The following TEP1 variants were observed in gnomAD, a reference collection of about 807,000 sequenced individuals.
TEP1 encodes telomerase protein component 1.
In TEP1, 241 loss-of-function variants were observed where a neutral mutation model predicts 306.3. The observed-to-expected ratio is 0.79, with a 90% CI of 0.71 to 0.88. TEP1 has a LOEUF of 0.88. Ranked by LOEUF, TEP1 falls within the 40% of genes least tolerant of loss-of-function variation. The pLI, the probability that TEP1 is intolerant of heterozygous loss-of-function variation, is 0.00. For synonymous variants in TEP1, 1,289 were observed against 1,305.5 expected (o/e 0.99, Z 0.27); for missense variants, 3,051 against 3,276.1 (o/e 0.93, Z 1.68).
intron 43 of TEP1, 35 bp downstream of exon 43, chr14:20,375,720 G>T: frequency 6.8e-7 from 1 of 1,478,656 alleles, no homozygotes; most frequent in Non-Finnish European, 9.4e-7. Flanking sequence ...CAGGAACCCA[G>T]CTGGGCTCTG....
chr14:20,410,203 C>G (rs1364263310), intron 1 of TEP1, among the ~76,000 whole-genome samples: 3 of 152,034 alleles, frequency 2.0e-5, no homozygotes, highest in Admixed American at 2.0e-4. Flanking sequence ...TGATTCTACT[C>G]CCTCAGTGTC....
chr14:20,402,916 T>C (rs1341993068), intron 7 of TEP1, among the ~76,000 whole-genome samples: 3 of 152,068 alleles, frequency 2.0e-5, no homozygotes, highest in African/African-American at 7.2e-5. Context: ...TCCAGCACTT[T>C]GGGAGGTCAA....
At chr14:20,410,750 T>C (rs1001193823) in intron 1 of TEP1, among the ~76,000 whole-genome samples, 1 of 151,016 alleles carries the variant, frequency 6.6e-6, no homozygotes, top group Admixed American at 6.6e-5. Context: ...GACTCCTTTT[T>C]TTTTAAGCAT....
chr14:20,377,116 G>A (rs567057228), intron 41 of TEP1, among the ~76,000 whole-genome samples, 164 bp downstream of exon 41: 14 of 152,170 alleles, frequency 9.2e-5, no homozygotes, highest in African/African-American at 2.4e-4. Flanking sequence ...TCGGGAGGCC[G>A]AGACAGGAGA....
chr14:20,410,734 C>T (rs1414154144), intron 1 of TEP1, among the ~76,000 whole-genome samples: 1 of 150,636 alleles, frequency 6.6e-6, no homozygotes, highest in Non-Finnish European at 1.5e-5. Flanking sequence ...GCCACTGTGC[C>T]TGGCGGACTC....
intron 1 of TEP1, among the ~76,000 whole-genome samples, chr14:20,410,768 TA>T (rs1287097636): frequency 2.7e-5 from 4 of 149,728 alleles, no homozygotes; most frequent in African/African-American, 7.4e-5. Context: ...CATGTTTGCT[TA>T]TTAGCCCACT....
Position 20,375,780 on chromosome 14 carries a change from C to T in TEP1, c.6338G>A (p.Cys2113Tyr), listed in dbSNP as rs1328806802. ...PACHRDWVTG[C>Y]AWTKDNLLIS... ...CAGTAGGTTATCTTTGGTCCAGGCA[C>T]AGCCAGTGACCCAGTCACGGTGACA... The change falls in exon 43 of 55, where the codon TGT becomes TAT. Residue 2113 changes from cysteine to tyrosine, a missense_variant. Around this residue, in one of 3 missense-constraint regions of TEP1, gnomAD observed 1,540 missense variants for 1,705.9 expected, o/e 0.90. Transcript: ENST00000262715. 1.2e-6 allele frequency: 2 copies of T among 1,613,526 alleles called. No individual in the cohort carries two copies. Among genetic ancestry groups the T allele is most frequent in the South Asian group, 1.1e-5 (1 of 91,054 alleles).
intron 9 of TEP1, among the ~76,000 whole-genome samples, chr14:20,399,632 T>TAATA (rs1555326923): frequency 3.8e-5 from 3 of 78,600 alleles, no homozygotes; most frequent in African/African-American, 5.9e-5. Context: ...CCCTGTTTCT[T>TAATA]AAAAAAAAAA....
intron 9 of TEP1, chr14:20,400,653 T>C: frequency 4.3e-6 from 1 of 235,114 alleles, no homozygotes; most frequent in Non-Finnish European, 8.5e-6. Flanking sequence ...CAGATTCCAA[T>C]ATGCCATGTG....
intron 51 of TEP1, among the ~76,000 whole-genome samples, chr14:20,370,765 T>C (rs538276959): frequency 3.6e-4 from 55 of 152,304 alleles, no homozygotes; most frequent in Non-Finnish European, 7.5e-4. Context: ...CAGGTCAGGA[T>C]TTAATAACCT....
At chr14:20,396,152 C>A (rs1164115339) in intron 10 of TEP1, among the ~76,000 whole-genome samples, 2 of 152,150 alleles carry the variant, frequency 1.3e-5, no homozygotes, top group African/African-American at 4.8e-5. Flanking sequence ...GAGAAAGTAA[C>A]AGAAGGAGCC....
chr14:20,392,291 T>C (rs1487955282), intron 12 of TEP1, among the ~76,000 whole-genome samples: 2 of 152,188 alleles, frequency 1.3e-5, no homozygotes, highest in East Asian at 1.9e-4. Context: ...AATGAAACAA[T>C]TGGTTCACGC....
intron 41 of TEP1, 91 bp downstream of exon 41, chr14:20,377,189 T>C: frequency 1.8e-6 from 2 of 1,112,808 alleles, no homozygotes; most frequent in East Asian, 2.6e-5. Context: ...CACTCTAGCC[T>C]GGGCAACAAG....
intron 12 of TEP1, 42 bp downstream of exon 12, chr14:20,395,408 C>T (rs781734235): frequency 6.6e-7 from 1 of 1,521,772 alleles, no homozygotes; most frequent in East Asian, 2.3e-5. Context: ...GCCAGGGTAG[C>T]CCCGATTGCC....
Position 20,378,066 on chromosome 14 carries a change from C to G in TEP1, c.5679G>C (p.Leu1893=). 1 of 1,613,806 alleles carries G rather than the reference C, an allele frequency of 6.2e-7. No homozygotes were observed. The highest frequency in any genetic ancestry group is 1.3e-5 in the African/African-American group (1 of 75,000). The stretch of plus-strand genomic sequence containing the variant: ...CCGTCAGTAACTGGCAACCCGCATG[C>G]AGGAAAAGCGCAGCAGCAACAAAGC... The part of the protein sequence containing the change: ...HHGFVAAALF[L]HAGCQLLTAG... Residue 1893 remains leucine, a synonymous_variant, in exon 39 of 55, where the codon CTG becomes CTC. Transcript: ENST00000262715.
At chr14:20,398,667 A>G (rs1878422598) in intron 9 of TEP1, among the ~76,000 whole-genome samples, 1 of 152,134 alleles carries the variant, frequency 6.6e-6, no homozygotes, top group Non-Finnish European at 1.5e-5. Flanking sequence ...CTTTTCTTTT[A>G]GATAAAAGTA....
rs775445221 is a variant in TEP1 at position 20,368,516 on chromosome 14, G to C, written c.7805C>G (p.Pro2602Arg). The C allele has an allele frequency of 1.9e-6, 3 of 1,614,114 alleles. No individual in the cohort carries two copies. The highest frequency in any genetic ancestry group is 2.2e-5 in the East Asian group (1 of 44,878). The change falls in exon 55 of 55, where the codon CCT becomes CGT. Residue 2602 changes from proline (P) to arginine (R), a missense_variant. This residue lies in a region of TEP1 where 1,540 missense variants were observed against 1,705.9 expected (regional missense o/e 0.90). Coordinates refer to ENST00000262715, the MANE Select transcript of TEP1 (RefSeq NM_007110.5). ...RCEGSVSCLE[P>R]WLGANSTLQL... ...CAGGGTGGAGTTAGCGCCCAGCCAA[G>C]GTTCCAGGCAGCTCACTGACCCTTC...
rs189255885 is a variant in TEP1, at chr14:20,374,618, G to A, written c.6364-82C>T. ...ATATCTGTAGTGTAGGGTGGAAGGC[G>A]GTTAGCCACGTAATTAAGGGCCTGG... On this transcript the variant is annotated intron_variant, in intron 43 of 54. Transcript: ENST00000262715. 56 of 917,200 alleles carry A rather than the reference G, an allele frequency of 6.1e-5. No individual in the cohort carries two copies. In the African/African-American group the frequency reaches 6.5e-4, roughly 11 times the overall value. 56.8% of individuals were successfully genotyped at this position (917,200 alleles called of 1,614,324 possible). A position where few individuals can be genotyped will look rare whatever the true frequency, so the allele number is the denominator to read the frequency against.
intron 43 of TEP1, 138 bp downstream of exon 43, chr14:20,375,617 A>G (rs1885128195): frequency 1.7e-6 from 1 of 598,352 alleles, no homozygotes; most frequent in African/African-American, 1.8e-5. Context: ...GCTTAGTTCA[A>G]TGCCTGGCAC....
Sources: allele counts gnomAD v4.1 joint callset (sites outside exome capture counted in the v4.1 genomes callset), GRCh38; gene constraint gnomAD v4.1.1; regional missense constraint gnomAD v4.1.1; transcripts MANE v1.5; gene names NCBI Gene and HGNC (gene_info 2026-07-23, HGNC 2026-07-21).